CHRNA6: variants seen among roughly 807,000 people sequenced by gnomAD.
CHRNA6 encodes neuronal acetylcholine receptor subunit alpha-6.
A neutral mutation model predicts 40.9 loss-of-function variants in CHRNA6; 31 were observed. The ratio of observed to expected loss-of-function variants is 0.76; its 90% CI spans 0.57 to 1.02. CHRNA6 has a LOEUF of 1.02. Ranked by LOEUF, CHRNA6 falls within the 50% of genes least tolerant of loss-of-function variation. CHRNA6 has a pLI of 0.00. For synonymous variants in CHRNA6, 222 were observed against 221.3 expected (o/e 1.00, Z -0.03); for missense variants, 546 against 596.6 (o/e 0.92, Z 0.88).
chr8:42,758,052 A>C (rs1217481328), intron 3 of CHRNA6, among the ~76,000 whole-genome samples: 1 of 142,470 alleles, frequency 7.0e-6, no homozygotes, highest in Non-Finnish European at 1.6e-5. Flanking sequence ...ACCAAAAAAC[A>C]AAAAAAAAAA....
chr8:42,766,755 A>G (rs979142884), intron 1 of CHRNA6, among the ~76,000 whole-genome samples: 3 of 152,178 alleles, frequency 2.0e-5, no homozygotes, highest in African/African-American at 7.2e-5. Flanking sequence ...CCAGGGAAGA[A>G]GAGCATTGGG....
intron 5 of CHRNA6, among the ~76,000 whole-genome samples, chr8:42,754,241 G>C (rs183987363): frequency 6.6e-6 from 1 of 152,120 alleles, no homozygotes; most frequent in East Asian, 1.9e-4. Context: ...GTGCAGTGGT[G>C]CGATTGTGGC....
In CHRNA6 at chr8:42,756,707, A is replaced by G. The variant is rs781543564; in HGVS notation, c.492T>C (p.Phe164=). 6.2e-7 allele frequency: 1 copy of G among 1,614,180 alleles called. No individual in the cohort carries two copies. Among genetic ancestry groups the G allele is most frequent in the Non-Finnish European group, 8.5e-7 (1 of 1,180,036 alleles). The change falls in exon 5 of 6, where the codon TTT becomes TTC. Residue 164 remains phenylalanine, a synonymous_variant. Transcript: ENST00000276410. ...AACAGTTTTGATGATCAAAAGGGAA[A>G]AAGGTGATATCCATAGGGCAGGAAC... ...FKSSCPMDIT[F]FPFDHQNCSL...
chr8:42,760,261 ACT>A (rs1398844153), intron 2 of CHRNA6, among the ~76,000 whole-genome samples: 4 of 151,524 alleles, frequency 2.6e-5, no homozygotes, highest in Non-Finnish European at 4.4e-5. Context: ...ACACTCACAC[ACT>A]CATGCACACA....
At chr8:42,765,247 A>G (rs1816960812) in intron 1 of CHRNA6, 43 bp from the exon 2 acceptor site, 1 of 1,604,322 alleles carries the variant, frequency 6.2e-7, no homozygotes, top group Non-Finnish European at 8.5e-7. Flanking sequence ...CAGCCCGGCC[A>G]CTGGCCACTG....
chr8:42,762,132 T>C (rs190724859), intron 2 of CHRNA6, among the ~76,000 whole-genome samples: 56 of 152,302 alleles, frequency 3.7e-4, no homozygotes, highest in Non-Finnish European at 5.7e-4. Context: ...TTCCAAGGCC[T>C]TCCAGAAGGG....
In CHRNA6 at chr8:42,756,824, A is replaced by C. The variant is rs749461734; in HGVS notation, c.375T>G (p.Asn125Lys). The stretch of plus-strand genomic sequence containing the variant: ...CTTCTACTTGGAAGTCACCAACAGC[A>C]CTGCAAAGCAAGTCAGACACCATTA... ...IWKPDIVLYN[N>K]AVGDFQVEGK... Residue 125 changes from asparagine to lysine, a missense_variant and splice_region_variant, in exon 5 of 6, where the codon AAT becomes AAG. By Grantham distance (94) the Asn-to-Lys change is moderately conservative (BLOSUM62 0). Around this residue, in one of 3 missense-constraint regions of CHRNA6, gnomAD observed 476 missense variants for 494.5 expected, o/e 0.96. Transcript: ENST00000276410. The C allele has an allele frequency of 1.7e-5, 28 of 1,606,754 alleles. No homozygotes were observed. Among genetic ancestry groups the C allele is most frequent in the Non-Finnish European group, 2.3e-5 (27 of 1,177,380 alleles).
intron 5 of CHRNA6, among the ~76,000 whole-genome samples, chr8:42,754,065 G>C (rs532417604): frequency 4.6e-5 from 7 of 152,284 alleles, no homozygotes; most frequent in Admixed American, 4.6e-4. Context: ...TGGCCATGGA[G>C]AGCTGGTTGT....
rs759926957 is a variant in CHRNA6, at chr8:42,756,281, G to A, written c.918C>T (p.Tyr306=). Residue 306 remains tyrosine (Y), a synonymous_variant, in exon 5 of 6, where the codon TAC becomes TAT. Coordinates refer to ENST00000276410, the MANE Select transcript of CHRNA6 (RefSeq NM_004198.3). The part of the protein sequence containing the change: ...TSLVVPLVGE[Y]LLFTMIFVTL... Reference sequence around the variant, plus strand: ...TGACAAAGATCATGGTGAACAGCAGGTACTCACCCACCAGTGGGACCACCA... The same window carrying A: ...TGACAAAGATCATGGTGAACAGCAGATACTCACCCACCAGTGGGACCACCA... 2.5e-6 allele frequency: 4 copies of A among 1,614,174 alleles called. No individual in the cohort carries two copies. In the South Asian group the frequency reaches 4.4e-5, roughly 18 times the overall value.
chr8:42,759,016 G>C (rs1816854151), intron 3 of CHRNA6, 53 bp downstream of exon 3: 1 of 1,337,254 alleles, frequency 7.5e-7, no homozygotes, highest in African/African-American at 1.4e-5. Flanking sequence ...GGTAGTGCTT[G>C]TGGGTTTTAT....
At chr8:42,764,904 G>C (rs1816951507) in intron 2 of CHRNA6, 161 bp downstream of exon 2, 1 of 698,318 alleles carries the variant, frequency 1.4e-6, no homozygotes, top group African/African-American at 1.8e-5. Flanking sequence ...CACACAGACA[G>C]TTACAGCATT....
intron 2 of CHRNA6, chr8:42,759,368 G>C (rs959982213): frequency 4.4e-6 from 2 of 452,898 alleles, no homozygotes; most frequent in African/African-American, 3.9e-5. Flanking sequence ...CACCTCTTCT[G>C]TGAAGTGCTT....
rs79945499 is a variant in CHRNA6, at chr8:42,756,686, G to C, written c.513C>G (p.Asn171Lys). 27 of 1,614,070 alleles carry C rather than the reference G, an allele frequency of 1.7e-5. No homozygotes were observed. The Admixed American group carries it at 4.5e-4, about 27-fold the overall frequency. Reference sequence around the variant, plus strand: ...TCCAGGAACCAAATTTTAGGGAACAGTTTTGATGATCAAAAGGGAAAAAGG... The same window carrying C: ...TCCAGGAACCAAATTTTAGGGAACACTTTTGATGATCAAAAGGGAAAAAGG... Reference protein sequence around the residue: ...DITFFPFDHQNCSLKFGSWTY... With the variant: ...DITFFPFDHQKCSLKFGSWTY... Residue 171 changes from asparagine to lysine, a missense_variant, in exon 5 of 6, where the codon AAC becomes AAG. Physicochemically the swap from Asn to Lys is moderately conservative, Grantham distance 94. Coordinates refer to ENST00000276410, the MANE Select transcript of CHRNA6 (RefSeq NM_004198.3).
Position 42,768,519 on chromosome 8 carries a change from C to T in CHRNA6, c.-89G>A. ...GTCAGCCACATGCATCCAACCTTGA[C>T]ATCATCAGAAGCCCACTGCAATCCG... On this transcript the variant is annotated 5_prime_UTR_variant, in exon 1 of 6. The change abolishes an upstream ATG in the 5' untranslated region. Transcript: ENST00000276410. 4 of 924,282 alleles carry T rather than the reference C, an allele frequency of 4.3e-6. No individual in the cohort carries two copies. The highest frequency in any genetic ancestry group is 2.2e-4 in the Middle Eastern group (1 of 4,650). The allele number at this position is 924,282 out of a possible 1,614,324, so 57.3% of individuals were successfully genotyped here.
intron 5 of CHRNA6, among the ~76,000 whole-genome samples, chr8:42,754,371 T>C (rs1816762227): frequency 6.6e-6 from 1 of 152,178 alleles, no homozygotes; most frequent in Non-Finnish European, 1.5e-5. Flanking sequence ...GGTCTCAATA[T>C]GTTGCCCAGG....
intron 3 of CHRNA6, among the ~76,000 whole-genome samples, 193 bp downstream of exon 3, chr8:42,758,876 C>A (rs1816851632): frequency 6.6e-6 from 1 of 152,128 alleles, no homozygotes. Flanking sequence ...GTCAGAGGGA[C>A]CTTTGTCACT....
At chr8:42,762,072 G>C (rs936983730) in intron 2 of CHRNA6, among the ~76,000 whole-genome samples, 5 of 152,148 alleles carry the variant, frequency 3.3e-5, no homozygotes, top group African/African-American at 9.7e-5. Flanking sequence ...ACACTTCCAG[G>C]TAGAGCCCTG....
intron 3 of CHRNA6, among the ~76,000 whole-genome samples, chr8:42,758,389 C>T (rs1186019743): frequency 6.6e-6 from 1 of 151,102 alleles, no homozygotes; most frequent in Non-Finnish European, 1.5e-5. Context: ...AAGACAGAGT[C>T]TCGCTCTGTT....
chr8:42,764,969 G>T, intron 2 of CHRNA6, 96 bp downstream of exon 2: 1 of 1,360,686 alleles, frequency 7.3e-7, no homozygotes, highest in Non-Finnish European at 1.0e-6. Context: ...CAGATCTCGT[G>T]TAGATTTGCA....
Sources: gnomAD v4.1 joint callset for allele counts (sites outside exome capture counted in the v4.1 genomes callset) on GRCh38, gnomAD v4.1.1 for gene constraint, gnomAD v4.1.1 regional missense constraint, MANE v1.5 for transcripts, NCBI Gene and HGNC (gene_info 2026-07-23, HGNC 2026-07-21) for gene names.